The following RALGAPA1 variants were observed in gnomAD, a reference collection of about 807,000 sequenced individuals.
RALGAPA1 encodes ral GTPase-activating protein subunit alpha-1.
Under a neutral mutation model 269.6 loss-of-function variants are expected in RALGAPA1, and 52 were observed. That is an observed-to-expected ratio of 0.19 (90% CI 0.15 to 0.24). The LOEUF is 0.24. Ranked by LOEUF, RALGAPA1 falls within the 10% of genes least tolerant of loss-of-function variation. The pLI, the probability that RALGAPA1 is intolerant of heterozygous loss-of-function variation, is 1.00. For synonymous variants in RALGAPA1, 817 were observed against 1,008.3 expected, an observed-to-expected ratio of 0.81 and a Z score of 3.60; for missense variants, 1,917 against 3,013.9, an observed-to-expected ratio of 0.64 and a Z score of 8.52.
At chr14:35,570,988 A>T (rs1235290442) in intron 38 of RALGAPA1, among the ~76,000 whole-genome samples, 4 of 152,216 alleles carry the variant, frequency 2.6e-5, no homozygotes, top group Non-Finnish European at 4.4e-5. Context: ...TGAGTAAATA[A>T]TTTACACACT....
intron 33 of RALGAPA1, among the ~76,000 whole-genome samples, chr14:35,634,020 G>A (rs947461192): frequency 6.6e-6 from 1 of 151,976 alleles, no homozygotes; most frequent in African/African-American, 2.4e-5. Context: ...TTACAAATAA[G>A]AAAACAGATA....
At chr14:35,641,722 A>T (rs2062042013) in intron 31 of RALGAPA1, among the ~76,000 whole-genome samples, 1 of 152,204 alleles carries the variant, frequency 6.6e-6, no homozygotes, top group Admixed American at 6.5e-5. Context: ...TGCCAATGAC[A>T]TTCTTTATAG....
chr14:35,596,201 T>C (rs2058922672), intron 36 of RALGAPA1, among the ~76,000 whole-genome samples: 1 of 152,068 alleles, frequency 6.6e-6, no homozygotes, highest in Non-Finnish European at 1.5e-5. Context: ...AAAACTGGCT[T>C]CCTGATTTGT....
intron 41 of RALGAPA1, among the ~76,000 whole-genome samples, chr14:35,540,284 A>T (rs1235954109): frequency 6.6e-6 from 1 of 152,230 alleles, no homozygotes; most frequent in Non-Finnish European, 1.5e-5. Flanking sequence ...TGAGGGGAGG[A>T]CAAGAATTCT....
intron 1 of RALGAPA1, among the ~76,000 whole-genome samples, chr14:35,805,866 G>A (rs946501849): frequency 2.6e-5 from 4 of 151,484 alleles, no homozygotes; most frequent in South Asian, 2.1e-4. Flanking sequence ...TGTATTTTCA[G>A]TAGAGTAGAG....
At chr14:35,777,884 A>C (rs2075153517) in intron 1 of RALGAPA1, among the ~76,000 whole-genome samples, 1 of 152,206 alleles carries the variant, frequency 6.6e-6, no homozygotes, top group South Asian at 2.1e-4. Flanking sequence ...TGAAAAAATA[A>C]AAGATTTTTG....
At chr14:35,685,521 G>A (rs1355522579) in intron 19 of RALGAPA1, among the ~76,000 whole-genome samples, 1 of 152,032 alleles carries the variant, frequency 6.6e-6, no homozygotes, top group Non-Finnish European at 1.5e-5. Context: ...ATCCACTCAA[G>A]GGAAAAAAGT....
intron 16 of RALGAPA1, among the ~76,000 whole-genome samples, chr14:35,707,834 C>T (rs1434337334): frequency 6.6e-6 from 1 of 152,032 alleles, no homozygotes; most frequent in Non-Finnish European, 1.5e-5. Context: ...GTAGATTGTA[C>T]CTTTCAAGTA....
intron 31 of RALGAPA1, among the ~76,000 whole-genome samples, chr14:35,645,081 T>C (rs2139897825): frequency 6.6e-6 from 1 of 152,292 alleles, no homozygotes; most frequent in Admixed American, 6.5e-5. Flanking sequence ...AAGTTGAAGA[T>C]CAAGGTGGCA....
intron 21 of RALGAPA1, among the ~76,000 whole-genome samples, chr14:35,679,594 TTGTA>T: frequency 1.3e-5 from 2 of 152,338 alleles, no homozygotes; most frequent in South Asian, 4.1e-4. Context: ...AACAGAATGG[TTGTA>T]TGAGTATTTG....
chr14:35,646,591 AC>A (rs751896277), intron 31 of RALGAPA1, among the ~76,000 whole-genome samples: 2 of 152,176 alleles, frequency 1.3e-5, no homozygotes, highest in African/African-American at 2.4e-5. Flanking sequence ...AAGATTAAGA[AC>A]CTGTTCCATA....
chr14:35,768,425 C>T (rs1351785229), intron 4 of RALGAPA1, among the ~76,000 whole-genome samples: 2 of 152,118 alleles, frequency 1.3e-5, no homozygotes, highest in Non-Finnish European at 2.9e-5. Flanking sequence ...TATGATGGCT[C>T]ACACCTGTAA....
At chr14:35,554,338 CTTTTTTTTTTTTTTTT>C (rs869302363) in intron 39 of RALGAPA1, among the ~76,000 whole-genome samples, 1 of 85,760 alleles carries the variant, frequency 1.2e-5, no homozygotes, top group Admixed American at 1.2e-4. Context: ...AATACACTTT[CTTTTTTTTTTTTTTTT>C]TTTTTTTTTT....
At chr14:35,602,703 T>C (rs947156811) in intron 36 of RALGAPA1, among the ~76,000 whole-genome samples, 6 of 152,210 alleles carry the variant, frequency 3.9e-5, no homozygotes, top group African/African-American at 1.4e-4. Context: ...TTCTAGATAC[T>C]AGTCTCTTAT....
At chr14:35,762,493 T>C (rs2073806037) in intron 5 of RALGAPA1, among the ~76,000 whole-genome samples, 1 of 152,154 alleles carries the variant, frequency 6.6e-6, no homozygotes, top group Non-Finnish European at 1.5e-5. Context: ...TGGCTTCAAG[T>C]GGTCCACCCA....
chr14:35,674,357 C>T, intron 23 of RALGAPA1, 79 bp from the exon 24 acceptor site: 1 of 1,313,640 alleles, frequency 7.6e-7, no homozygotes, highest in Non-Finnish European at 1.1e-6. Flanking sequence ...AATTTCAAAT[C>T]CAGTTTCTAC....
rs577383476 is a variant in RALGAPA1 at position 35,548,438 on chromosome 14, G to A, written c.*23+70C>T. The A allele has an allele frequency of 8.5e-6, 9 of 1,059,072 alleles. No individual in the cohort carries two copies. In the East Asian group the frequency reaches 1.7e-4, roughly 20 times the overall value. 65.6% of individuals were successfully genotyped at this position (1,059,072 alleles called of 1,614,324 possible). A position where few individuals can be genotyped will look rare whatever the true frequency, so the allele number is the denominator to read the frequency against. On this transcript the variant is annotated intron_variant, in intron 41 of 41. Coordinates refer to ENST00000680220, the MANE Select transcript of RALGAPA1 (RefSeq NM_001346249.2). ...ACTTATTGTTTAAGTTACAAGCTTA[G>A]AGCCTGCTAATTTTGAAAAAAGGAA...
intron 1 of RALGAPA1, among the ~76,000 whole-genome samples, chr14:35,785,770 C>T (rs541106557): frequency 2.0e-5 from 3 of 152,288 alleles, no homozygotes; most frequent in African/African-American, 7.2e-5. Context: ...GCTGAGATGA[C>T]CTTCTCAACA....
intron 12 of RALGAPA1, among the ~76,000 whole-genome samples, chr14:35,736,551 C>G (rs1789039100): frequency 6.6e-6 from 1 of 151,892 alleles, no homozygotes; most frequent in South Asian, 2.1e-4. Context: ...AAGAAGTGGA[C>G]AATGAAGTGA....
Sources: gnomAD v4.1 joint callset for allele counts (sites outside exome capture counted in the v4.1 genomes callset) on GRCh38, gnomAD v4.1.1 for gene constraint, MANE v1.5 for transcripts, NCBI Gene and HGNC (gene_info 2026-07-23, HGNC 2026-07-21) for gene names.